TFDP2: variants seen among roughly 807,000 people sequenced by gnomAD.
The protein encoded by TFDP2 is transcription factor Dp-2 (E2F dimerization partner 2).
Under a neutral mutation model 59.3 loss-of-function variants are expected in TFDP2, and 17 were observed. The ratio of observed to expected loss-of-function variants is 0.29; its 90% CI spans 0.20 to 0.43. TFDP2 has a LOEUF of 0.43. TFDP2 is among the 20% of genes least tolerant of loss of function. The probability of loss-of-function intolerance (pLI) is 1.00; values close to 1 mark genes in which losing one functional copy is unlikely to be tolerated. For missense variants in TFDP2, 391 were observed against 528.8 expected, an observed-to-expected ratio of 0.74 and a Z score of 2.56; for synonymous variants, 180 against 194.7, an observed-to-expected ratio of 0.92 and a Z score of 0.63.
At position 142,064,474 on chromosome 3, in the gene TFDP2, T is replaced by C. The variant is rs79621259; in HGVS notation, c.82+28587A>G. Among the ~76,000 whole-genome samples, 540 of 152,332 alleles carry C rather than the reference T, an allele frequency of 3.5e-3. 9 individuals carry two copies. Among genetic ancestry groups the C allele is most frequent in the African/African-American group, 0.012 (514 of 41,582 alleles). On this transcript the variant is annotated intron_variant, in intron 3 of 12. Transcript: ENST00000489671. ...GCATACTAAGAAAATATCACCTTTA[T>C]TAATCAGGGAGTAGAAAAAAGATGA...
At chr3:142,096,958 T>C (rs2061182978) in intron 2 of TFDP2, among the ~76,000 whole-genome samples, 2 of 152,244 alleles carry the variant, frequency 1.3e-5, no homozygotes, top group South Asian at 4.1e-4. Context: ...CAAAGCAATA[T>C]TTAAGTGTGG....
intron 3 of TFDP2, among the ~76,000 whole-genome samples, chr3:142,058,604 TTTAC>T (rs2108508589): frequency 1.3e-5 from 2 of 152,274 alleles, no homozygotes; most frequent in African/African-American, 4.8e-5. Flanking sequence ...AGTATAGCAC[TTTAC>T]TTACTATTAC....
intron 4 of TFDP2, among the ~76,000 whole-genome samples, chr3:142,003,982 T>C (rs1310558440): frequency 1.3e-5 from 2 of 152,138 alleles, no homozygotes; most frequent in African/African-American, 4.8e-5. Flanking sequence ...TCATAAAAAT[T>C]TGAGTATGTT....
At position 141,963,838 on chromosome 3, in the gene TFDP2, G is replaced by T; in HGVS notation, c.858C>A (p.Val286=). 1 of 1,613,520 alleles carries T rather than the reference G, an allele frequency of 6.2e-7. No individual in the cohort carries two copies. The highest frequency in any genetic ancestry group is 1.1e-5 in the South Asian group (1 of 90,980). The change falls in exon 10 of 13, where the codon GTC becomes GTA. Residue 286 remains valine (V), a synonymous_variant. Coordinates refer to ENST00000489671, the MANE Select transcript of TFDP2 (RefSeq NM_001178139.2). ...FIIINTSRKT[V]IDCSISSDKF... The stretch of plus-strand genomic sequence containing the variant: ...TGTCACTGGAGATGCTGCAATCTAT[G>T]ACTGTTTTTCTGCTTGTATTGATGA...
At chr3:141,975,156 C>T (rs1024147932) in intron 7 of TFDP2, among the ~76,000 whole-genome samples, 16 of 151,782 alleles carry the variant, frequency 1.1e-4, no homozygotes, top group African/African-American at 3.9e-4. Flanking sequence ...TCATGATCTG[C>T]CTGCCTCGAC....
chr3:142,017,993 A>AT (rs1945274079), intron 3 of TFDP2, among the ~76,000 whole-genome samples: 1 of 148,730 alleles, frequency 6.7e-6, no homozygotes, highest in Admixed American at 6.7e-5. Context: ...TCCAGGCTGG[A>AT]GTGCAGTGGC....
At chr3:142,018,229 C>G (rs1325540309) in intron 3 of TFDP2, among the ~76,000 whole-genome samples, 1 of 152,152 alleles carries the variant, frequency 6.6e-6, no homozygotes, top group Admixed American at 6.5e-5. Context: ...CAGGCGTCAG[C>G]CACCGTACCA....
chr3:141,962,774 A>C (rs933700612), intron 10 of TFDP2, among the ~76,000 whole-genome samples: 1 of 152,254 alleles, frequency 6.6e-6, no homozygotes, highest in African/African-American at 2.4e-5. Context: ...AACAAGTAGC[A>C]GTGAAGCCCA....
chr3:141,977,060 A>C (rs1478113987), intron 7 of TFDP2, among the ~76,000 whole-genome samples: 1 of 149,018 alleles, frequency 6.7e-6, no homozygotes, highest in East Asian at 1.9e-4. Context: ...GATAGGGCTA[A>C]ATCAGTGCTC....
At chr3:141,954,855 A>T (rs2107839684) in intron 11 of TFDP2, among the ~76,000 whole-genome samples, 1 of 152,262 alleles carries the variant, frequency 6.6e-6, no homozygotes, top group East Asian at 1.9e-4. Flanking sequence ...AAACTATATG[A>T]TTTAGATTGG....
At chr3:142,074,746 G>A (rs923456917) in intron 3 of TFDP2, among the ~76,000 whole-genome samples, 2 of 152,150 alleles carry the variant, frequency 1.3e-5, no homozygotes, top group Non-Finnish European at 2.9e-5. Context: ...CGGCTACTCG[G>A]GAGGCTGAGG....
chr3:141,962,700 C>A (rs1014096348), intron 10 of TFDP2, among the ~76,000 whole-genome samples: 8 of 152,096 alleles, frequency 5.3e-5, no homozygotes, highest in Admixed American at 4.6e-4. Context: ...TGGAGTGGCC[C>A]GGAATCTCTG....
intron 3 of TFDP2, among the ~76,000 whole-genome samples, chr3:142,059,714 G>A (rs1476017291): frequency 6.6e-6 from 1 of 152,112 alleles, no homozygotes; most frequent in Non-Finnish European, 1.5e-5. Flanking sequence ...TGAGTAGCTG[G>A]GACTACCAGC....
At chr3:141,989,200 T>A (rs1470397322) in intron 6 of TFDP2, 3 of 152,252 alleles carry the variant, frequency 2.0e-5, no homozygotes, top group Admixed American at 2.0e-4. Flanking sequence ...TGTTCACGAA[T>A]GTTGGATTCA....
At chr3:142,066,353 T>C (rs767475275) in intron 3 of TFDP2, among the ~76,000 whole-genome samples, 3 of 152,208 alleles carry the variant, frequency 2.0e-5, no homozygotes, top group Non-Finnish European at 4.4e-5. Flanking sequence ...CATTGTAAGA[T>C]GAAAATATTG....
intron 4 of TFDP2, among the ~76,000 whole-genome samples, chr3:141,997,548 C>A (rs1943379695): frequency 6.6e-6 from 1 of 151,356 alleles, no homozygotes; most frequent in Admixed American, 6.6e-5. Flanking sequence ...ATTTACAGGA[C>A]TTTGTAGAAA....
At chr3:142,052,493 G>A (rs1000609145) in intron 3 of TFDP2, among the ~76,000 whole-genome samples, 42 of 152,220 alleles carry the variant, frequency 2.8e-4, no homozygotes, top group Middle Eastern at 3.4e-3. Context: ...TGCAGTGAGT[G>A]GAGATCGAGC....
rs570410634 is a variant in TFDP2, at chr3:142,116,803, G to A, written c.-92-14962C>T. 7.3e-5 allele frequency among the ~76,000 whole-genome samples: 11 copies of A among 150,780 alleles called. No individual in the cohort carries two copies. In the South Asian group the frequency reaches 1.0e-3, roughly 14 times the overall value. On this transcript the variant is annotated intron_variant, in intron 1 of 12. Coordinates refer to ENST00000489671, the MANE Select transcript of TFDP2 (RefSeq NM_001178139.2). ...TCCTAGCTGTATGCATATAAGTTACGTTTTTCTTTTTACTAATTTTATATT... is the reference window on the plus strand; with the variant it reads ...TCCTAGCTGTATGCATATAAGTTACATTTTTCTTTTTACTAATTTTATATT...
At chr3:142,112,738 C>G (rs1162218659) in intron 1 of TFDP2, among the ~76,000 whole-genome samples, 1 of 152,132 alleles carries the variant, frequency 6.6e-6, no homozygotes, top group Non-Finnish European at 1.5e-5. Context: ...CCAAGCTGGT[C>G]TCAAATTTCT....
Sources: allele counts gnomAD v4.1 joint callset (sites outside exome capture counted in the v4.1 genomes callset), GRCh38; gene constraint gnomAD v4.1.1; transcripts MANE v1.5; gene names NCBI Gene and HGNC (gene_info 2026-07-23, HGNC 2026-07-21).